The following PCDHA5 variants were observed in gnomAD, a reference collection of about 807,000 sequenced individuals.
PCDHA5 encodes protocadherin alpha-5.
A neutral mutation model predicts 61.6 loss-of-function variants in PCDHA5; 43 were observed. The observed-to-expected ratio is 0.70, with a 90% CI of 0.55 to 0.90. The LOEUF (loss-of-function observed/expected upper bound fraction) is 0.90, where lower values mean the gene tolerates loss of function less well. Ranked by LOEUF, PCDHA5 falls within the 40% of genes least tolerant of loss-of-function variation. PCDHA5 has a pLI of 0.00. For missense variants in PCDHA5, 1,298 were observed against 1,222.7 expected, an observed-to-expected ratio of 1.06 and a Z score of -0.92; for synonymous variants, 627 against 543.9, an observed-to-expected ratio of 1.15 and a Z score of -2.13.
In PCDHA5 at chr5:140,978,974, G is replaced by A. The variant is rs150254638; in HGVS notation, c.2378G>A (p.Arg793His). The A allele has an allele frequency of 2.1e-3, 3,356 of 1,614,130 alleles. 1 individual carries two copies. The highest frequency in any genetic ancestry group is 2.7e-3 in the Non-Finnish European group (3,158 of 1,180,020). The change falls in exon 2 of 4, where the codon CGT becomes CAT. Residue 793 changes from arginine (R) to histidine (H), a missense_variant. Coordinates refer to ENST00000529859, the MANE Select transcript of PCDHA5 (RefSeq NM_018908.3). ...DNPRQPNPDW[R>H]YSASLRAGMH... is the part of the protein sequence containing the mutation. ...CCACGACAGCCCAACCCTGACTGGC[G>A]TTACTCTGCCTCCCTGAGAGCAGGC...
At chr5:140,885,462 G>T (rs890056404) in intron 1 of PCDHA5, among the ~76,000 whole-genome samples, 3 of 152,070 alleles carry the variant, frequency 2.0e-5, no homozygotes, top group African/African-American at 7.2e-5. Context: ...ACCTAATGAT[G>T]GGCAATCACT....
intron 3 of PCDHA5, among the ~76,000 whole-genome samples, chr5:140,993,468 A>T (rs1327306188): frequency 7.2e-5 from 5 of 69,412 alleles, no homozygotes; most frequent in Non-Finnish European, 1.2e-4. Flanking sequence ...TTTCTCACAC[A>T]CACACACACA....
chr5:140,893,138 A>G (rs1336386852), intron 1 of PCDHA5, among the ~76,000 whole-genome samples: 1 of 152,142 alleles, frequency 6.6e-6, no homozygotes, highest in Non-Finnish European at 1.5e-5. Context: ...TTCTTTATCC[A>G]CTCATCTGTT....
rs2150128139 is a variant in PCDHA5 at position 140,823,674 on chromosome 5, A to G, written c.1899A>G (p.Thr633=). 1 of 1,613,986 alleles carries G rather than the reference A, an allele frequency of 6.2e-7. No homozygotes were observed. Among genetic ancestry groups the G allele is most frequent in the Non-Finnish European group, 8.5e-7 (1 of 1,179,938 alleles). The part of the protein sequence containing the change: ...VGLYTGEIST[T]RSLDETEAPR... ...TGTACACAGGCGAGATCAGCACAACACGCTCTCTGGATGAGACCGAAGCAC... is the reference window on the plus strand; with the variant it reads ...TGTACACAGGCGAGATCAGCACAACGCGCTCTCTGGATGAGACCGAAGCAC... The change falls in exon 1 of 4, where the codon ACA becomes ACG. Residue 633 remains threonine (T), a synonymous_variant. Transcript: ENST00000529859.
chr5:140,848,968 C>G (rs2150427139), intron 1 of PCDHA5: 1 of 1,605,306 alleles, frequency 6.2e-7, no homozygotes, highest in East Asian at 2.2e-5. Flanking sequence ...GAGGGCGCGT[C>G]CGATGCAGAT....
chr5:140,999,015 C>G (rs2097843117), intron 3 of PCDHA5, among the ~76,000 whole-genome samples: 1 of 152,280 alleles, frequency 6.6e-6, no homozygotes, highest in East Asian at 1.9e-4. Context: ...GATTTGAACC[C>G]AAGACTTTTG....
Position 140,856,423 on chromosome 5 carries a change from T to C in PCDHA5, c.2352+32296T>C, listed in dbSNP as rs1266159746. 5 of 1,598,178 alleles carry C rather than the reference T, an allele frequency of 3.1e-6. 1 individual carries two copies. In the African/African-American group the frequency reaches 4.0e-5, roughly 13 times the overall value. On this transcript the variant is annotated intron_variant, in intron 1 of 3. Transcript: ENST00000529859. ...ATGTGGACGTGGAAGTGAAGGACAT[T>C]AACGACAACCCGCCCAGGTTCTCCG...
At chr5:140,900,954 A>T (rs942765998) in intron 1 of PCDHA5, among the ~76,000 whole-genome samples, 3 of 152,204 alleles carry the variant, frequency 2.0e-5, no homozygotes, top group Non-Finnish European at 2.9e-5. Context: ...TTCTCTGATT[A>T]TCAGTGATGT....
At chr5:140,879,235 A>T (rs904336289) in intron 1 of PCDHA5, among the ~76,000 whole-genome samples, 1 of 152,240 alleles carries the variant, frequency 6.6e-6, no homozygotes, top group Non-Finnish European at 1.5e-5. Context: ...CATATACAAG[A>T]GGCACTGGCA....
At chr5:140,967,613 G>C in intron 1 of PCDHA5, 1 of 1,614,182 alleles carries the variant, frequency 6.2e-7, no homozygotes, top group Non-Finnish European at 8.5e-7. Flanking sequence ...GAATGCCTCA[G>C]ACCCGGATGA....
chr5:140,967,112 C>T (rs1338076103), intron 1 of PCDHA5: 4 of 1,612,876 alleles, frequency 2.5e-6, no homozygotes, highest in East Asian at 2.2e-5. Flanking sequence ...GCAGCGGCCT[C>T]GCTGCCTGCT....
chr5:141,008,838 G>A (rs555239899), intron 3 of PCDHA5, among the ~76,000 whole-genome samples: 2 of 152,192 alleles, frequency 1.3e-5, no homozygotes, highest in South Asian at 2.1e-4. Context: ...ATCCTCTTAC[G>A]CTGTGTATTC....
chr5:140,914,427 T>C (rs2076707638), intron 1 of PCDHA5, among the ~76,000 whole-genome samples: 1 of 152,196 alleles, frequency 6.6e-6, no homozygotes, highest in African/African-American at 2.4e-5. Context: ...TAGCAAGGAA[T>C]ATCTTTTCCC....
rs1767979919 is a variant in PCDHA5 at position 140,824,043 on chromosome 5, G to A, written c.2268G>A (p.Arg756=). The A allele has an allele frequency of 6.2e-7, 1 of 1,614,042 alleles. No individual in the cohort carries two copies. Among genetic ancestry groups the A allele is most frequent in the Non-Finnish European group, 8.5e-7 (1 of 1,179,972 alleles). The change falls in exon 1 of 4, where the codon AGG becomes AGA. Residue 756 remains arginine, a synonymous_variant. Transcript: ENST00000529859. ...CGTACTCGCAGCAGAGGAGACAGAG[G>A]GTGTGCTCTGGGGAAGCTCCACCCA... ...SWSYSQQRRQ[R]VCSGEAPPKT...
Position 140,842,658 on chromosome 5 carries a change from C to T in PCDHA5, c.2352+18531C>T. ...ACCGCCAGCTTGTCTGTGGAGGTGG[C>T]CGACGTGAACGACAATGCTCCGGCG... is the stretch of plus-strand genomic sequence containing the variant. On this transcript the variant is annotated intron_variant, in intron 1 of 3. Coordinates refer to ENST00000529859, the MANE Select transcript of PCDHA5 (RefSeq NM_018908.3). 1.9e-6 allele frequency: 3 copies of T among 1,595,322 alleles called. 1 individual carries two copies. The highest frequency in any genetic ancestry group is 8.6e-7 in the Non-Finnish European group (1 of 1,165,500).
At chr5:140,962,772 T>C (rs1039768584) in intron 1 of PCDHA5, among the ~76,000 whole-genome samples, 2 of 152,336 alleles carry the variant, frequency 1.3e-5, no homozygotes, top group Admixed American at 1.3e-4. Context: ...TTTAACAAGA[T>C]GGAATTTTTA....
chr5:140,843,876 C>A, intron 1 of PCDHA5: 1 of 763,300 alleles, frequency 1.3e-6, no homozygotes, highest in African/African-American at 1.8e-5. Flanking sequence ...TTCTCAGTGG[C>A]ATAATACAGT....
intron 1 of PCDHA5, among the ~76,000 whole-genome samples, chr5:140,934,446 A>G (rs527371307): frequency 2.0e-5 from 3 of 152,188 alleles, no homozygotes; most frequent in Non-Finnish European, 4.4e-5. Context: ...ATAGTGAAAA[A>G]TGCAAATAAT....
chr5:140,833,851 C>G (rs148977790), intron 1 of PCDHA5, among the ~76,000 whole-genome samples: 4 of 152,118 alleles, frequency 2.6e-5, no homozygotes, highest in Admixed American at 2.6e-4. Flanking sequence ...TCTTAACAAG[C>G]GATACTGAAT....
Sources: allele counts gnomAD v4.1 joint callset (sites outside exome capture counted in the v4.1 genomes callset), GRCh38; gene constraint gnomAD v4.1.1; transcripts MANE v1.5; gene names NCBI Gene and HGNC (gene_info 2026-07-23, HGNC 2026-07-21).